C1orf105: variants seen among roughly 807,000 people sequenced by gnomAD.
C1orf105 encodes the protein chromosome 1 open reading frame 105, also known as uncharacterized protein C1orf105.
C1orf105 carries 17 observed loss-of-function variants against 20.8 expected under a neutral mutation model. The ratio of observed to expected loss-of-function variants is 0.82; its 90% confidence interval spans 0.56 to 1.23. C1orf105 has a LOEUF of 1.23. C1orf105 is among the 50% of genes most tolerant of loss of function. C1orf105 has a pLI of 0.00. For missense variants in C1orf105, 219 were observed against 213.5 expected, an observed-to-expected ratio of 1.03 and a Z score of -0.16; for synonymous variants, 72 against 72.1, an observed-to-expected ratio of 1.00 and a Z score of 0.01.
intron 1 of C1orf105, chr1:172,430,265 TAC>T (rs1391913782): frequency 1.4e-6 from 1 of 695,940 alleles, no homozygotes. Flanking sequence ...ACAACTGTCA[TAC>T]TACTTTATAC....
intron 1 of C1orf105, among the ~76,000 whole-genome samples, chr1:172,436,468 C>T (rs964089368): frequency 6.6e-6 from 1 of 152,114 alleles, no homozygotes; most frequent in Admixed American, 6.6e-5. Flanking sequence ...CTTTGACAAA[C>T]CTGACCAAAA....
At chr1:172,424,495 A>G (rs887172440) in intron 1 of C1orf105, among the ~76,000 whole-genome samples, 77 of 152,152 alleles carry the variant, frequency 5.1e-4, no homozygotes, top group African/African-American at 1.8e-3. Context: ...GGTTCGAGAG[A>G]TTCTCATGCC....
Position 172,468,556 on chromosome 1 carries a change from C to T in C1orf105, c.514C>T (p.Pro172Ser). Reference protein sequence around the residue: ...TLKERQRSSLPRKEPIGKTTR... With the variant: ...TLKERQRSSLSRKEPIGKTTR... The stretch of plus-strand genomic sequence containing the variant: ...AAAAGAGAGACAACGTTCTTCCTTG[C>T]CCAGAAAGGAACCAATAGGCAAGAC... The change falls in exon 7 of 7, where the codon CCC (proline) becomes TCC (serine). Residue 172 changes from proline to serine, a missense_variant. Coordinates refer to ENST00000367727, the MANE Select transcript of C1orf105 (RefSeq NM_139240.4). 6.2e-7 allele frequency: 1 copy of T among 1,613,916 alleles called. No homozygotes were observed. The highest frequency in any genetic ancestry group is 8.5e-7 in the Non-Finnish European group (1 of 1,179,870).
rs747361528 is a variant in C1orf105 at position 172,456,507 on chromosome 1, CAG to C, written c.273+20_273+21del. 6.2e-7 allele frequency: 1 copy of C among 1,608,434 alleles called. No individual in the cohort carries two copies. The highest frequency in any genetic ancestry group is 2.2e-5 in the East Asian group (1 of 44,838). On this transcript the variant is annotated intron_variant, in intron 4 of 6. Transcript: ENST00000367727. ...TGAAAATGGTAGGCAAGGGGGAAGA[CAG>C]AAATGGGCACAGGCATCTCAGGGTG... is the stretch of plus-strand genomic sequence containing the variant.
chr1:172,465,597 T>C (rs1466780087), intron 6 of C1orf105: 1 of 644,338 alleles, frequency 1.6e-6, no homozygotes, highest in Admixed American at 2.1e-5. Context: ...CATGTCATGT[T>C]CCTTCCCAGG....
chr1:172,459,518 G>GTAATAA (rs140819776), intron 4 of C1orf105, among the ~76,000 whole-genome samples: 2 of 151,962 alleles, frequency 1.3e-5, no homozygotes, highest in Non-Finnish European at 2.9e-5. Context: ...TAGGATGGTT[G>GTAATAA]TAATAATAAT....
chr1:172,442,364 C>G, intron 1 of C1orf105: 1 of 1,613,326 alleles, frequency 6.2e-7, no homozygotes, highest in Non-Finnish European at 8.5e-7. Flanking sequence ...AGACCAGTCC[C>G]TAAAAGCCAA....
chr1:172,429,102 GTAT>G (rs1295248843), intron 1 of C1orf105, among the ~76,000 whole-genome samples: 1 of 152,220 alleles, frequency 6.6e-6, no homozygotes, highest in Non-Finnish European at 1.5e-5. Flanking sequence ...GAAAAGCAAA[GTAT>G]TAGCCCAAGT....
chr1:172,436,907 C>T (rs577824323), intron 1 of C1orf105, among the ~76,000 whole-genome samples: 6 of 152,092 alleles, frequency 3.9e-5, no homozygotes, highest in African/African-American at 1.4e-4. Context: ...AAAAAACAAC[C>T]CCATCAAAAA....
At chr1:172,460,171 A>T (rs1649587185) in intron 4 of C1orf105, among the ~76,000 whole-genome samples, 1 of 152,220 alleles carries the variant, frequency 6.6e-6, no homozygotes, top group Admixed American at 6.5e-5. Context: ...TAAATTGCAC[A>T]TTAAGATGGT....
intron 1 of C1orf105, among the ~76,000 whole-genome samples, chr1:172,433,318 G>T (rs1471778523): frequency 1.3e-5 from 2 of 152,190 alleles, no homozygotes; most frequent in Non-Finnish European, 2.9e-5. Flanking sequence ...CACTAAGGTT[G>T]ACATGAAGGA....
intron 3 of C1orf105, among the ~76,000 whole-genome samples, chr1:172,454,741 C>A (rs1463313149): frequency 6.7e-6 from 1 of 149,452 alleles, no homozygotes; most frequent in Non-Finnish European, 1.5e-5. Flanking sequence ...TCCCTCTCTG[C>A]CCCACCCCCA....
chr1:172,435,804 T>C (rs895288796), intron 1 of C1orf105, among the ~76,000 whole-genome samples: 2 of 152,330 alleles, frequency 1.3e-5, no homozygotes, highest in African/African-American at 4.8e-5. Flanking sequence ...GGAAGTCAAA[T>C]TGTCCCTGTT....
chr1:172,423,224 A>G (rs2071635931), intron 1 of C1orf105, among the ~76,000 whole-genome samples: 1 of 152,212 alleles, frequency 6.6e-6, no homozygotes, highest in Admixed American at 6.5e-5. Context: ...CAGTCCCAGT[A>G]GTGGTGGCCA....
In C1orf105 at chr1:172,441,940, T is replaced by C. The variant is rs535039814; in HGVS notation, c.22-3133T>C. On this transcript the variant is annotated intron_variant, in intron 1 of 6. Coordinates refer to ENST00000367727, the MANE Select transcript of C1orf105 (RefSeq NM_139240.4). Reference sequence around the variant, plus strand: ...TGCAAAAAGCAGTGTGACCCCCACATAGCTCCGGGGAGTACATGCCTTTAG... The same window carrying C: ...TGCAAAAAGCAGTGTGACCCCCACACAGCTCCGGGGAGTACATGCCTTTAG... 15 of 1,614,152 alleles carry C rather than the reference T, an allele frequency of 9.3e-6. No homozygotes were observed. The South Asian group carries it at 1.4e-4, about 15-fold the overall frequency.
chr1:172,434,057 T>G (rs936147028), intron 1 of C1orf105, among the ~76,000 whole-genome samples: 1 of 152,162 alleles, frequency 6.6e-6, no homozygotes, highest in African/African-American at 2.4e-5. Flanking sequence ...GAGCTAACTA[T>G]CCTAAATATA....
chr1:172,436,696 C>A (rs2072050346), intron 1 of C1orf105, among the ~76,000 whole-genome samples: 1 of 152,164 alleles, frequency 6.6e-6, no homozygotes, highest in Non-Finnish European at 1.5e-5. Context: ...GACTTCATGA[C>A]TAAAACACCA....
rs374182935 is a variant in C1orf105 at position 172,437,197 on chromosome 1, G to T, written c.22-7876G>T. 4.1e-4 allele frequency among the ~76,000 whole-genome samples: 63 copies of T among 152,208 alleles called. 1 individual carries two copies. The East Asian group carries it at 9.9e-3, about 24-fold the overall frequency. ...TGTGGCGATTCCTCAAGGATTTAGA[G>T]CTAGAAATACCATTTGACCCAGCCA... On this transcript the variant is annotated intron_variant, in intron 1 of 6. Coordinates refer to ENST00000367727, the MANE Select transcript of C1orf105 (RefSeq NM_139240.4).
chr1:172,420,816 C>A lies in C1orf105; in HGVS notation c.-70C>A. The A allele has an allele frequency of 6.6e-7, 1 of 1,513,978 alleles. No homozygotes were observed. Among genetic ancestry groups the A allele is most frequent in the Non-Finnish European group, 9.2e-7 (1 of 1,091,644 alleles). The allele number at this position is 1,513,978 out of a possible 1,614,324, so 93.8% of individuals were successfully genotyped here. A position where few individuals can be genotyped will look rare whatever the true frequency, so the allele number is the denominator to read the frequency against. ...GTTCTCCACAGCAGTCTTCCACTGG[C>A]CACAGTGAGGGGAGCTAGGTTTCCC... On this transcript the variant is annotated 5_prime_UTR_variant, in exon 1 of 7. Coordinates refer to ENST00000367727, the MANE Select transcript of C1orf105 (RefSeq NM_139240.4).
Sources: allele counts gnomAD v4.1 joint callset (sites outside exome capture counted in the v4.1 genomes callset), GRCh38; gene constraint gnomAD v4.1.1; transcripts MANE v1.5; gene names NCBI Gene and HGNC (gene_info 2026-07-23, HGNC 2026-07-21).